The following PABIR2 variants were observed in gnomAD, a reference collection of about 807,000 sequenced individuals.
The protein encoded by PABIR2 is PABIR family member 2, also known as family with sequence similarity 122B.
In PABIR2, 7 loss-of-function variants were observed where a neutral mutation model predicts 22.8. The observed-to-expected ratio is 0.31, with a 90% CI of 0.17 to 0.58. The LOEUF (loss-of-function observed/expected upper bound fraction) is 0.58. Ranked by LOEUF, PABIR2 falls within the 20% of genes least tolerant of loss-of-function variation. The pLI is 0.89. For synonymous variants in PABIR2, 67 were observed against 73.8 expected (o/e 0.91, Z 0.47); for missense variants, 155 against 205.1 (o/e 0.76, Z 1.49).
chrX:134,791,856 A>G (rs1378488964), intron 2 of PABIR2, among the ~76,000 whole-genome samples: 1 of 111,913 alleles, frequency 8.9e-6, no homozygotes, highest in Non-Finnish European at 1.9e-5. Flanking sequence ...ATTATGTCCC[A>G]AAGAATTCAT....
At chrX:134,777,507 T>C (rs1178863957) in intron 9 of PABIR2, among the ~76,000 whole-genome samples, 2 of 76,168 alleles carry the variant, frequency 2.6e-5, no homozygotes, top group East Asian at 4.0e-4. Context: ...GTCTGGGCAA[T>C]AGACCAGATC....
chrX:134,795,525 A>T (rs1217483329), intron 1 of PABIR2, among the ~76,000 whole-genome samples: 1 of 111,723 alleles, frequency 9.0e-6, no homozygotes, highest in Non-Finnish European at 1.9e-5. Flanking sequence ...CGTTTTCTAA[A>T]ACCTGCCTTT....
chrX:134,774,405 A>C (rs2078912180), intron 9 of PABIR2, among the ~76,000 whole-genome samples: 1 of 111,875 alleles, frequency 8.9e-6, no homozygotes. Context: ...GCAGGAAGAA[A>C]TGGGCTTAGA....
At chrX:134,775,687 C>CT (rs1356316400) in intron 9 of PABIR2, among the ~76,000 whole-genome samples, 1 of 110,973 alleles carries the variant, frequency 9.0e-6, no homozygotes, top group African/African-American at 3.3e-5. Context: ...GGCTGAGCCA[C>CT]TTTGTGCCTT....
intron 4 of PABIR2, 23 bp from the exon 5 acceptor site, chrX:134,789,162 C>A: frequency 8.3e-7 from 1 of 1,211,931 alleles, no homozygotes. Flanking sequence ...AAGGGAAGGG[C>A]CGTCAGTGTT....
At chrX:134,780,051 T>C (rs2079116424) in intron 9 of PABIR2, among the ~76,000 whole-genome samples, 1 of 112,599 alleles carries the variant, frequency 8.9e-6, no homozygotes, top group African/African-American at 3.2e-5. Flanking sequence ...CTAAAAGGCA[T>C]CTATCTGTTC....
In PABIR2 at chrX:134,771,337, T is replaced by A; in HGVS notation, c.*802A>T. The A allele has an allele frequency of 8.7e-7, 1 of 1,153,495 alleles. No homozygotes were observed. Among genetic ancestry groups the A allele is most frequent in the Admixed American group, 2.6e-5 (1 of 38,398 alleles). On this transcript the variant is annotated 3_prime_UTR_variant, in exon 10 of 10. Coordinates refer to ENST00000343004, the MANE Select transcript of PABIR2 (RefSeq NM_001387468.1). ...ACATCTGGTCAAGGCAGGAATTTCT[T>A]CTCCTTGATAACACCACCTAGAAAT...
intron 1 of PABIR2, among the ~76,000 whole-genome samples, chrX:134,795,608 G>GA (rs2148008510): frequency 8.9e-6 from 1 of 112,292 alleles, no homozygotes; most frequent in African/African-American, 3.2e-5. Flanking sequence ...TTTAGAACCT[G>GA]AAAACATTAG....
intron 7 of PABIR2, among the ~76,000 whole-genome samples, chrX:134,786,955 C>CA (rs1487255637): frequency 1.9e-5 from 2 of 106,026 alleles, no homozygotes; most frequent in South Asian, 4.1e-4. Context: ...ACCTCAAATA[C>CA]AAAAAAAAAG....
intron 2 of PABIR2, among the ~76,000 whole-genome samples, chrX:134,792,734 G>A (rs1464881996): frequency 8.9e-6 from 1 of 112,141 alleles, no homozygotes; most frequent in South Asian, 3.7e-4. Flanking sequence ...TTTTAATTGG[G>A]AAAAATATCT....
chrX:134,795,815 T>C (rs1176556084), intron 1 of PABIR2, among the ~76,000 whole-genome samples: 3 of 111,437 alleles, frequency 2.7e-5, no homozygotes, highest in African/African-American at 9.8e-5. Flanking sequence ...CTGGTGTAAG[T>C]TAGTCGGGGC....
rs997063768 is a variant in PABIR2 at position 134,771,420 on chromosome X, T to G, written c.*719A>C. 7 of 1,116,580 alleles carry G rather than the reference T, an allele frequency of 6.3e-6. No individual in the cohort carries two copies. In the Admixed American group the frequency reaches 2.1e-4, roughly 34 times the overall value. 92.0% of individuals were successfully genotyped at this position (1,116,580 alleles called of 1,213,427 possible). A position where few individuals can be genotyped will look rare whatever the true frequency, so the allele number is the denominator to read the frequency against. The stretch of plus-strand genomic sequence containing the variant: ...CAGGTTTGAGGAGAAATATATCAAC[T>G]GTGGTAGCAAAGTCATAAGAACCTG... On this transcript the variant is annotated 3_prime_UTR_variant, in exon 10 of 10. Coordinates refer to ENST00000343004, the MANE Select transcript of PABIR2 (RefSeq NM_001387468.1).
intron 9 of PABIR2, among the ~76,000 whole-genome samples, chrX:134,778,081 C>T (rs1321258410): frequency 2.9e-5 from 3 of 103,079 alleles, no homozygotes; most frequent in Non-Finnish European, 6.0e-5. Context: ...TTAGTAGAGA[C>T]GGGGTTTCAC....
chrX:134,790,977 T>C (rs959763866), intron 2 of PABIR2, among the ~76,000 whole-genome samples: 1 of 112,026 alleles, frequency 8.9e-6, no homozygotes, highest in African/African-American at 3.2e-5. Flanking sequence ...AGCGCAGACG[T>C]GTCACTTAGG....
chrX:134,787,528 G>C lies in PABIR2; in HGVS notation c.441C>G (p.Phe147Leu). 1 of 1,202,071 alleles carries C rather than the reference G, an allele frequency of 8.3e-7. No individual in the cohort carries two copies. The highest frequency in any genetic ancestry group is 1.1e-6 in the Non-Finnish European group (1 of 889,994). ...TTGGTGGCAATCCACTGCTGCTCAC[G>C]AACATCTGTAAGAAGGGTGAAAAAC... Reference protein sequence around the residue: ...PSPTRGFGKMFVSSSGLPPSP... With the variant: ...PSPTRGFGKMLVSSSGLPPSP... Residue 147 changes from phenylalanine to leucine, a missense_variant, in exon 7 of 10, where the codon TTC becomes TTG. Physicochemically the swap from Phe to Leu is conservative, Grantham distance 22. Transcript: ENST00000343004.
rs1352921659 is a variant in PABIR2, at chrX:134,769,861, A to G, written c.*2278T>C. 1 of 112,141 alleles carries G rather than the reference A, an allele frequency of 8.9e-6. No individual in the cohort carries two copies. The highest frequency in any genetic ancestry group is 1.9e-5 in the Non-Finnish European group (1 of 53,170). 9.2% of individuals were successfully genotyped at this position (112,141 alleles called of 1,213,427 possible). On this transcript the variant is annotated 3_prime_UTR_variant, in exon 10 of 10. Transcript: ENST00000343004. ...ATATAAAAATAAAGGGGTCTTAACA[A>G]AGTTCATCTGTGAGTTAGCATATCT...
chrX:134,775,700 C>A (rs1290010200), intron 9 of PABIR2, among the ~76,000 whole-genome samples: 2 of 110,497 alleles, frequency 1.8e-5, no homozygotes, highest in Non-Finnish European at 3.8e-5. Flanking sequence ...TGTGCCTTGT[C>A]TAGTCAATAA....
At chrX:134,784,401 T>C (rs1248199475) in intron 8 of PABIR2, among the ~76,000 whole-genome samples, 1 of 106,837 alleles carries the variant, frequency 9.4e-6, no homozygotes, top group East Asian at 2.9e-4. Context: ...GAGGTGGAGG[T>C]TGCAGTGAGC....
intron 5 of PABIR2, 119 bp downstream of exon 5, chrX:134,788,966 A>C: frequency 9.5e-7 from 1 of 1,050,499 alleles, no homozygotes; most frequent in Non-Finnish European, 1.3e-6. Flanking sequence ...AGAGATCAAA[A>C]AACAAGTATC....
Sources: gnomAD v4.1 joint callset for allele counts (sites outside exome capture counted in the v4.1 genomes callset) on GRCh38, gnomAD v4.1.1 for gene constraint, MANE v1.5 for transcripts, NCBI Gene and HGNC (gene_info 2026-07-23, HGNC 2026-07-21) for gene names.